The following IMMP2L variants were observed in gnomAD, a reference collection of about 807,000 sequenced individuals.
IMMP2L encodes mitochondrial inner membrane protease subunit 2.
In IMMP2L, 18 loss-of-function variants were observed where a neutral mutation model predicts 19.3. That is an observed-to-expected ratio of 0.93 (90% CI 0.64 to 1.38). The LOEUF (loss-of-function observed/expected upper bound fraction) is 1.38, where lower values mean the gene tolerates loss of function less well. Ranked by LOEUF, IMMP2L falls within the 40% of genes most tolerant of loss-of-function variation. The pLI, the probability that IMMP2L is intolerant of heterozygous loss-of-function variation, is 0.00. For synonymous variants in IMMP2L, 76 were observed against 73.0 expected (o/e 1.04, Z -0.21); for missense variants, 233 against 218.2 (o/e 1.07, Z -0.43).
At chr7:111,039,242 G>A (rs1791646944) in intron 3 of IMMP2L, among the ~76,000 whole-genome samples, 1 of 152,068 alleles carries the variant, frequency 6.6e-6, no homozygotes, top group Non-Finnish European at 1.5e-5. Context: ...AAATTTAAAA[G>A]CTTAAGTTTC....
intron 5 of IMMP2L, among the ~76,000 whole-genome samples, chr7:110,843,945 A>T (rs917724215): frequency 6.6e-6 from 1 of 152,092 alleles, no homozygotes; most frequent in African/African-American, 2.4e-5. Flanking sequence ...CTGGGATAGG[A>T]GGAAGGGGCT....
At chr7:110,820,253 A>G (rs1802906458) in intron 5 of IMMP2L, among the ~76,000 whole-genome samples, 2 of 152,066 alleles carry the variant, frequency 1.3e-5, no homozygotes, top group African/African-American at 4.8e-5. Flanking sequence ...AAAATATGTG[A>G]AACTCAAGTA....
At chr7:110,867,448 C>T (rs1360104864) in intron 5 of IMMP2L, among the ~76,000 whole-genome samples, 1 of 151,824 alleles carries the variant, frequency 6.6e-6, no homozygotes, top group Non-Finnish European at 1.5e-5. Flanking sequence ...AAATGCTGCC[C>T]CAAGTCCTTA....
chr7:111,187,995 G>T (rs1346663287), intron 3 of IMMP2L, among the ~76,000 whole-genome samples: 1 of 151,936 alleles, frequency 6.6e-6, no homozygotes, highest in Admixed American at 6.6e-5. Flanking sequence ...GGATAGAGAA[G>T]TCCAAGTTGA....
intron 3 of IMMP2L, among the ~76,000 whole-genome samples, chr7:111,102,994 T>C (rs1251803497): frequency 6.6e-6 from 1 of 151,484 alleles, no homozygotes; most frequent in Admixed American, 6.6e-5. Flanking sequence ...AATTTAAAAA[T>C]TGCTGACAAT....
intron 3 of IMMP2L, among the ~76,000 whole-genome samples, chr7:111,007,981 A>G (rs778391218): frequency 6.6e-6 from 1 of 152,060 alleles, no homozygotes; most frequent in Non-Finnish European, 1.5e-5. Flanking sequence ...TCTTACCCAC[A>G]TCTAATTTAT....
chr7:111,274,403 C>T (rs1818798986), intron 3 of IMMP2L, among the ~76,000 whole-genome samples: 1 of 152,088 alleles, frequency 6.6e-6, no homozygotes, highest in African/African-American at 2.4e-5. Context: ...CTCTAAAAAC[C>T]TTATTGCCAG....
rs143126639 is a variant in IMMP2L, at chr7:111,376,899, A to G, written c.239+110339T>C. On this transcript the variant is annotated intron_variant, in intron 3 of 5. Transcript: ENST00000405709. ...TGGTTGCTAGGGACAGAGTGAATGG[A>G]GGTGGCATGGTGGTGACAGCTAAGG... 1.1e-4 allele frequency among the ~76,000 whole-genome samples: 17 copies of G among 152,106 alleles called. No homozygotes were observed. The East Asian group carries it at 3.1e-3, about 28-fold the overall frequency.
chr7:111,386,907 G>C lies in IMMP2L; in HGVS notation c.239+100331C>G, dbSNP rs371591930. ...ATAAAATAACCCCACAAAAAGAAGA[G>C]AATGACTGTTTCACAAAAGAGGCAA... On this transcript the variant is annotated intron_variant, in intron 3 of 5. Coordinates refer to ENST00000405709, the MANE Select transcript of IMMP2L (RefSeq NM_032549.4). 2.6e-5 allele frequency among the ~76,000 whole-genome samples: 4 copies of C among 152,168 alleles called. No individual in the cohort carries two copies. In the South Asian group the frequency reaches 8.3e-4, roughly 32 times the overall value.
chr7:110,707,004 A>AC (rs369690184), intron 5 of IMMP2L, among the ~76,000 whole-genome samples: 1 of 114,304 alleles, frequency 8.7e-6, no homozygotes, highest in Non-Finnish European at 1.7e-5. Flanking sequence ...TTTTTTTTTA[A>AC]TTTTTTTTTT....
chr7:110,847,366 T>G (rs1294132206), intron 5 of IMMP2L, among the ~76,000 whole-genome samples: 1 of 152,180 alleles, frequency 6.6e-6, no homozygotes, highest in Non-Finnish European at 1.5e-5. Flanking sequence ...TAAAACATGT[T>G]TTATCTTAAA....
intron 4 of IMMP2L, among the ~76,000 whole-genome samples, chr7:110,954,801 A>G (rs1324854455): frequency 6.6e-6 from 1 of 152,126 alleles, no homozygotes; most frequent in African/African-American, 2.4e-5. Flanking sequence ...AACTCTATTC[A>G]CGAGAGATAG....
chr7:110,707,153 C>A (rs1266467405), intron 5 of IMMP2L, among the ~76,000 whole-genome samples: 1 of 75,184 alleles, frequency 1.3e-5, no homozygotes, highest in African/African-American at 5.7e-5. Context: ...TATCCCTCCC[C>A]CCTCCCCCGA....
At chr7:111,416,923 A>T (rs184310848) in intron 3 of IMMP2L, among the ~76,000 whole-genome samples, 1 of 151,800 alleles carries the variant, frequency 6.6e-6, no homozygotes. Context: ...ACATAAATAT[A>T]TTAATAAATT....
rs988192593 is a variant in IMMP2L at position 110,880,269 on chromosome 7, G to A, written c.408+6324C>T. Among the ~76,000 whole-genome samples the A allele has an allele frequency of 7.9e-5, 12 of 152,036 alleles. 1 individual carries two copies. In the South Asian group the frequency reaches 2.1e-3, roughly 26 times the overall value. On this transcript the variant is annotated intron_variant, in intron 5 of 5. Transcript: ENST00000405709. ...CCTTTATGCAAAAAAGATCACCCACGTTACTCAAAATCAAACTGATCTTTT... is the reference window on the plus strand; with the variant it reads ...CCTTTATGCAAAAAAGATCACCCACATTACTCAAAATCAAACTGATCTTTT...
At chr7:111,015,804 T>A (rs959818379) in intron 3 of IMMP2L, among the ~76,000 whole-genome samples, 1 of 152,088 alleles carries the variant, frequency 6.6e-6, no homozygotes, top group Admixed American at 6.6e-5. Context: ...CTGAATTGAA[T>A]GATTTAAAAA....
intron 3 of IMMP2L, among the ~76,000 whole-genome samples, chr7:111,065,786 C>T (rs1274819946): frequency 1.3e-5 from 2 of 152,130 alleles, no homozygotes; most frequent in Non-Finnish European, 2.9e-5. Context: ...TTCCTTGCTC[C>T]TCAGCTTGCA....
intron 5 of IMMP2L, among the ~76,000 whole-genome samples, chr7:110,824,762 A>G (rs749624893): frequency 1.1e-4 from 16 of 152,224 alleles, no homozygotes; most frequent in South Asian, 8.3e-4. Flanking sequence ...ATTCAATACC[A>G]CAGTACTTTT....
intron 3 of IMMP2L, among the ~76,000 whole-genome samples, chr7:111,359,208 G>A (rs1271608538): frequency 6.6e-6 from 1 of 152,102 alleles, no homozygotes; most frequent in Non-Finnish European, 1.5e-5. Flanking sequence ...TTTCTGCAAC[G>A]TAGATCTGAA....
Sources: gnomAD v4.1 joint callset for allele counts (sites outside exome capture counted in the v4.1 genomes callset) on GRCh38, gnomAD v4.1.1 for gene constraint, MANE v1.5 for transcripts, NCBI Gene and HGNC (gene_info 2026-07-23, HGNC 2026-07-21) for gene names.